Variants in SLC26A4 observed in about 807,000 individuals in gnomAD.
SLC26A4 encodes the protein pendrin.
Under a neutral mutation model 90.4 loss-of-function variants are expected in SLC26A4, and 93 were observed. That is an observed-to-expected ratio of 1.03 (90% CI 0.87 to 1.22). SLC26A4 has a LOEUF of 1.22. Ranked by LOEUF, SLC26A4 falls within the 50% of genes most tolerant of loss-of-function variation. SLC26A4 has a pLI of 0.00. For missense variants in SLC26A4, 1,127 were observed against 946.2 expected (o/e 1.19, Z -2.51); for synonymous variants, 393 against 354.6 (o/e 1.11, Z -1.22).
intron 13 of SLC26A4, 52 bp downstream of exon 13, chr7:107,696,091 C>A: frequency 1.0e-6 from 1 of 976,948 alleles, no homozygotes; most frequent in Non-Finnish European, 1.7e-6. Context: ...ACACTCTGAG[C>A]TTCCTTATAC....
At chr7:107,672,287 T>C in intron 4 of SLC26A4, 39 bp downstream of exon 4, 1 of 1,347,282 alleles carries the variant, frequency 7.4e-7, no homozygotes, top group Middle Eastern at 2.1e-4. Context: ...TTTGCTCATG[T>C]TTAAAGTGTT....
rs1175572064 is a variant in SLC26A4, at chr7:107,667,467, A to AG, written c.304+4032_304+4033insG. 1.9e-3 allele frequency among the ~76,000 whole-genome samples: 273 copies of AG among 146,864 alleles called. 3 individuals are homozygous for AG. Among genetic ancestry groups the AG allele is most frequent in the African/African-American group, 6.7e-3 (259 of 38,848 alleles). ...GAAGCCAAGAGAGAAGGTTTAAAAA[A>AG]AAAAAAAAAAAAAAAAAAGCATAGA... is the stretch of plus-strand genomic sequence containing the variant. On this transcript the variant is annotated intron_variant, in intron 3 of 20. Transcript: ENST00000644269.
chr7:107,681,854 C>A (rs1791238412), intron 6 of SLC26A4, among the ~76,000 whole-genome samples: 1 of 151,840 alleles, frequency 6.6e-6, no homozygotes, highest in African/African-American at 2.4e-5. Context: ...AGAGGTTGGG[C>A]AGGAGGATTT....
Position 107,704,181 on chromosome 7 carries a change from A to T in SLC26A4, c.2035-150A>T, listed in dbSNP as rs551463778. 32 of 603,976 alleles carry T rather than the reference A, an allele frequency of 5.3e-5. No homozygotes were observed. The South Asian group carries it at 6.0e-4, about 11-fold the overall frequency. 37.4% of individuals were successfully genotyped at this position (603,976 alleles called of 1,614,324 possible). On this transcript the variant is annotated intron_variant, in intron 17 of 20. Transcript: ENST00000644269. ...ATTATACCATTACTGTAGTTTGAAA[A>T]CCTCCATGGTTTTGCAATAATAACC...
intron 9 of SLC26A4, 33 bp from the exon 10 acceptor site, chr7:107,690,091 T>C (rs1488633162): frequency 4.9e-6 from 6 of 1,231,580 alleles, no homozygotes; most frequent in African/African-American, 4.4e-5. Flanking sequence ...AGATTCAATT[T>C]GTAGGATCGT....
At chr7:107,677,486 C>T (rs1213288312) in intron 6 of SLC26A4, among the ~76,000 whole-genome samples, 5 of 152,038 alleles carry the variant, frequency 3.3e-5, no homozygotes, top group Non-Finnish European at 5.9e-5. Flanking sequence ...TGAAGCTCGC[C>T]GTTCATTTCC....
At chr7:107,692,705 C>A (rs1791608087) in intron 10 of SLC26A4, among the ~76,000 whole-genome samples, 1 of 152,168 alleles carries the variant, frequency 6.6e-6, no homozygotes, top group African/African-American at 2.4e-5. Context: ...CTTCCACTGA[C>A]TCACAGAAAA....
intron 14 of SLC26A4, among the ~76,000 whole-genome samples, chr7:107,699,435 A>G (rs1171882936): frequency 1.3e-5 from 2 of 152,092 alleles, no homozygotes; most frequent in Admixed American, 1.3e-4. Flanking sequence ...TTTCTTTGCT[A>G]CTTTTAAAGA....
rs749479853 is a variant in SLC26A4 at position 107,701,144 on chromosome 7, C to T, written c.1751C>T (p.Ala584Val). 24 of 1,610,916 alleles carry T rather than the reference C, an allele frequency of 1.5e-5. No individual in the cohort carries two copies. The highest frequency in any genetic ancestry group is 9.9e-5 in the South Asian group (9 of 91,018). Reference sequence around the variant, plus strand: ...AGAGTATATAATAAGAGGCTGAAAGCGCTGAGGAAAATACAGAAACTAATA... The same window carrying T: ...AGAGTATATAATAAGAGGCTGAAAGTGCTGAGGAAAATACAGAAACTAATA... The part of the protein sequence containing the change: ...AIRVYNKRLK[A>V]LRKIQKLIKS... The change falls in exon 16 of 21, where the codon GCG becomes GTG. Residue 584 changes from alanine (A) to valine (V), a missense_variant. By Grantham distance (64) the Ala-to-Val change is moderately conservative (BLOSUM62 0). Coordinates refer to ENST00000644269, the MANE Select transcript of SLC26A4 (RefSeq NM_000441.2).
Position 107,700,077 on chromosome 7 carries a change from TG to T in SLC26A4, c.1615-5del. ...TTTAATCCCAGACAATTTCTTTTAA[TG>T]CCAGATTGAAGAACCTCAAGGAGTG... is the stretch of plus-strand genomic sequence containing the variant. On this transcript the variant is annotated splice_region_variant and splice_polypyrimidine_tract_variant and intron_variant, in intron 14 of 20. Coordinates refer to ENST00000644269, the MANE Select transcript of SLC26A4 (RefSeq NM_000441.2). The T allele has an allele frequency of 6.9e-7, 1 of 1,458,762 alleles. No homozygotes were observed. Among genetic ancestry groups the T allele is most frequent in the Non-Finnish European group, 9.6e-7 (1 of 1,038,428 alleles). The allele number at this position is 1,458,762 out of a possible 1,614,324, so 90.4% of individuals were successfully genotyped here. A position where few individuals can be genotyped will look rare whatever the true frequency, so the allele number is the denominator to read the frequency against.
intron 3 of SLC26A4, among the ~76,000 whole-genome samples, chr7:107,669,472 T>C (rs1244095814): frequency 1.3e-5 from 2 of 152,158 alleles, no homozygotes; most frequent in Admixed American, 6.5e-5. Flanking sequence ...CCATATGAAA[T>C]AGACAAGTTG....
chr7:107,691,770 A>AT, intron 10 of SLC26A4: 2 of 1,032,828 alleles, frequency 1.9e-6, no homozygotes, highest in Non-Finnish European at 2.3e-6. Context: ...ATTTTTCTTA[A>AT]TTTTTTATTT....
At chr7:107,670,918 C>T (rs1790848544) in intron 3 of SLC26A4, among the ~76,000 whole-genome samples, 1 of 152,128 alleles carries the variant, frequency 6.6e-6, no homozygotes, top group Non-Finnish European at 1.5e-5. Context: ...ATTAATGGGT[C>T]TGGGGGCTGC....
intron 6 of SLC26A4, among the ~76,000 whole-genome samples, chr7:107,682,303 A>G (rs1791263015): frequency 6.6e-6 from 1 of 152,006 alleles, no homozygotes; most frequent in South Asian, 2.1e-4. Flanking sequence ...CGTTGTGCAC[A>G]TGTACCCTAA....
chr7:107,708,328 A>G (rs1167304288), intron 18 of SLC26A4, among the ~76,000 whole-genome samples: 1 of 152,180 alleles, frequency 6.6e-6, no homozygotes, highest in Non-Finnish European at 1.5e-5. Flanking sequence ...CCTTAGGACA[A>G]AGATTTACTT....
At position 107,674,310 on chromosome 7, in the gene SLC26A4, A is replaced by G. The variant is rs753119943; in HGVS notation, c.562A>G (p.Ile188Val). Residue 188 changes from isoleucine to valine, a missense_variant, in exon 5 of 21, where the codon ATT becomes GTT. By Grantham distance (29) the Ile-to-Val change is conservative (BLOSUM62 3). Coordinates refer to ENST00000644269, the MANE Select transcript of SLC26A4 (RefSeq NM_000441.2). Reference protein sequence around the residue: ...TAARDTARVLIASALTLLVGI... With the variant: ...TAARDTARVLVASALTLLVGI... ...AGCTAGAGATACAGCTAGAGTCCTG[A>G]TTGCCAGTGCCCTGACTCTGCTGGT... The G allele has an allele frequency of 1.9e-6, 3 of 1,613,910 alleles. No individual in the cohort carries two copies. Among genetic ancestry groups the G allele is most frequent in the Non-Finnish European group, 1.7e-6 (2 of 1,179,884 alleles).
rs1436763567 is a variant in SLC26A4 at position 107,661,306 on chromosome 7, G to C, written c.-3-333G>C. The C allele has an allele frequency of 2.4e-6, 1 of 418,302 alleles. No homozygotes were observed. The highest frequency in any genetic ancestry group is 2.7e-5 in the South Asian group (1 of 36,626). 25.9% of individuals were successfully genotyped at this position (418,302 alleles called of 1,614,324 possible). On this transcript the variant is annotated intron_variant, in intron 1 of 20. Coordinates refer to ENST00000644269, the MANE Select transcript of SLC26A4 (RefSeq NM_000441.2). This position sits in a 1 kb window ranked among gnomAD's most constrained non-coding sequence, Gnocchi z 5.1. Reference sequence around the variant, plus strand: ...GGTTTGGGGGAGATTTCAGAACGCGGACAGCGCCCTGGCTGCGGGCCATAG... The same window carrying C: ...GGTTTGGGGGAGATTTCAGAACGCGCACAGCGCCCTGGCTGCGGGCCATAG...
chr7:107,683,738 G>A (rs556672940), intron 8 of SLC26A4, among the ~76,000 whole-genome samples: 4 of 152,188 alleles, frequency 2.6e-5, no homozygotes, highest in Admixed American at 2.0e-4. Flanking sequence ...AAAGCAGCCC[G>A]TATATGCTCT....
chr7:107,667,460 T>TAAAAAAAA lies in SLC26A4; in HGVS notation c.304+4025_304+4026insAAAAAAAA. Among the ~76,000 whole-genome samples, 2 of 26,424 alleles carry TAAAAAAAA rather than the reference T, an allele frequency of 7.6e-5. 1 individual carries two copies. Among genetic ancestry groups the TAAAAAAAA allele is most frequent in the East Asian group, 2.7e-3 (2 of 744 alleles). The allele number at this position is 26,424 out of a possible 152,430, so 17.3% of individuals were successfully genotyped here. On this transcript the variant is annotated intron_variant, in intron 3 of 20. Coordinates refer to ENST00000644269, the MANE Select transcript of SLC26A4 (RefSeq NM_000441.2). ...GGGATCAGAAGCCAAGAGAGAAGGTTTAAAAAAAAAAAAAAAAAAAAAAAA... is the reference window on the plus strand; with the variant it reads ...GGGATCAGAAGCCAAGAGAGAAGGTTAAAAAAAATAAAAAAAAAAAAAAAAAAAAAAAA...
Sources: allele counts gnomAD v4.1 joint callset (sites outside exome capture counted in the v4.1 genomes callset), GRCh38; gene constraint gnomAD v4.1.1; non-coding constraint Gnocchi (gnomAD v3.1); transcripts MANE v1.5; gene names NCBI Gene and HGNC (gene_info 2026-07-23, HGNC 2026-07-21).